ZBTB7C: variants seen among roughly 807,000 people sequenced by gnomAD.
ZBTB7C encodes the protein zinc finger and BTB domain containing 7C, also known as zinc finger and BTB domain-containing protein 7C.
In ZBTB7C, 8 loss-of-function variants were observed where a neutral mutation model predicts 25.7. The ratio of observed to expected loss-of-function variants is 0.31; its 90% CI spans 0.18 to 0.56. The LOEUF (loss-of-function observed/expected upper bound fraction) is 0.56. Among genes scored for constraint, ZBTB7C ranks in the 20% least tolerant of loss-of-function variants. The pLI, the probability that ZBTB7C is intolerant of heterozygous loss-of-function variation, is 0.91. For missense variants in ZBTB7C, 824 were observed against 855.2 expected (o/e 0.96, Z 0.46); for synonymous variants, 394 against 369.0 (o/e 1.07, Z -0.78).
At chr18:48,227,113 C>A (rs1216860226) in intron 2 of ZBTB7C, among the ~76,000 whole-genome samples, 1 of 152,064 alleles carries the variant, frequency 6.6e-6, no homozygotes, top group Middle Eastern at 3.2e-3. Flanking sequence ...CCTCTCCTAC[C>A]AACCTGCCTC....
chr18:48,129,357 A>G (rs1299783940), intron 3 of ZBTB7C, among the ~76,000 whole-genome samples: 1 of 151,900 alleles, frequency 6.6e-6, no homozygotes, highest in Non-Finnish European at 1.5e-5. Context: ...AGTCCAAAAA[A>G]AAAAAAAAAA....
intron 3 of ZBTB7C, among the ~76,000 whole-genome samples, chr18:48,075,427 G>A (rs1264822035): frequency 6.6e-6 from 1 of 152,216 alleles, no homozygotes; most frequent in Non-Finnish European, 1.5e-5. Flanking sequence ...GGAACAGCCA[G>A]CCCAGAGAGG....
At chr18:48,041,171 A>G (rs1178779601) in intron 3 of ZBTB7C, 48 bp from the exon 4 acceptor site, 2 of 1,527,380 alleles carry the variant, frequency 1.3e-6, no homozygotes, top group African/African-American at 2.8e-5. Flanking sequence ...GCGTGGCCCC[A>G]GGAGGGGTCT....
At chr18:48,347,222 C>T (rs548394179) in intron 1 of ZBTB7C, among the ~76,000 whole-genome samples, 8 of 136,580 alleles carry the variant, frequency 5.9e-5, no homozygotes, top group African/African-American at 2.2e-4. Flanking sequence ...TCTCCTGCCA[C>T]GGCCTCCCAA....
intron 3 of ZBTB7C, among the ~76,000 whole-genome samples, chr18:48,163,658 A>G (rs74657921): frequency 0.015 from 2,242 of 152,312 alleles, 59 homozygotes; most frequent in African/African-American, 0.051. Context: ...ACTTGCCCAA[A>G]TTCATGTGTC....
At chr18:48,172,335 A>T (rs539661091) in intron 3 of ZBTB7C, among the ~76,000 whole-genome samples, 1 of 152,330 alleles carries the variant, frequency 6.6e-6, no homozygotes, top group East Asian at 1.9e-4. Flanking sequence ...CCATTTGCAC[A>T]GCTTGGTGGA....
intron 2 of ZBTB7C, among the ~76,000 whole-genome samples, chr18:48,223,400 A>T (rs1300068163): frequency 1.3e-5 from 2 of 152,154 alleles, no homozygotes; most frequent in African/African-American, 2.4e-5. Flanking sequence ...ATGCCCCCCA[A>T]CCCCATCTTT....
chr18:48,335,706 G>T (rs1391976123), intron 2 of ZBTB7C, among the ~76,000 whole-genome samples: 1 of 152,134 alleles, frequency 6.6e-6, no homozygotes, highest in African/African-American at 2.4e-5. Context: ...AATGTGGTTG[G>T]TCCAAACTGA....
At chr18:48,403,676 A>G (rs1470253874) in intron 1 of ZBTB7C, among the ~76,000 whole-genome samples, 1 of 152,162 alleles carries the variant, frequency 6.6e-6, no homozygotes, top group Non-Finnish European at 1.5e-5. Flanking sequence ...CAATAAACAA[A>G]AGGAGAATCA....
chr18:48,301,598 G>T (rs554677740), intron 2 of ZBTB7C, among the ~76,000 whole-genome samples: 2 of 152,286 alleles, frequency 1.3e-5, no homozygotes, highest in African/African-American at 4.8e-5. Flanking sequence ...TGTGAGAGTG[G>T]CATTGTCACT....
At chr18:48,171,101 TC>T (rs1293660453) in intron 3 of ZBTB7C, among the ~76,000 whole-genome samples, 1 of 152,182 alleles carries the variant, frequency 6.6e-6, no homozygotes, top group Non-Finnish European at 1.5e-5. Context: ...ACTCAGAGAC[TC>T]CCTTGGCAGT....
At chr18:48,161,808 G>A (rs555451100) in intron 3 of ZBTB7C, among the ~76,000 whole-genome samples, 48 of 148,758 alleles carry the variant, frequency 3.2e-4, no homozygotes, top group African/African-American at 1.1e-3. Context: ...GCGCCCCCGC[G>A]GCCTCTCTCT....
intron 3 of ZBTB7C, among the ~76,000 whole-genome samples, chr18:48,105,011 T>G (rs1298521754): frequency 6.6e-6 from 1 of 152,214 alleles, no homozygotes; most frequent in East Asian, 1.9e-4. Flanking sequence ...GGAAACATAC[T>G]GATCCCCGCC....
At chr18:48,223,217 G>C (rs995872841) in intron 2 of ZBTB7C, among the ~76,000 whole-genome samples, 3 of 152,170 alleles carry the variant, frequency 2.0e-5, no homozygotes, top group African/African-American at 7.2e-5. Flanking sequence ...GGAGACCCAG[G>C]AATCTGGAGA....
intron 3 of ZBTB7C, among the ~76,000 whole-genome samples, chr18:48,067,176 C>T (rs980565770): frequency 6.6e-6 from 1 of 152,158 alleles, no homozygotes; most frequent in African/African-American, 2.4e-5. Context: ...AAATGAATGA[C>T]TTGGAAAGGG....
chr18:48,141,704 T>C (rs932534451), intron 3 of ZBTB7C, among the ~76,000 whole-genome samples: 7 of 152,218 alleles, frequency 4.6e-5, no homozygotes, highest in African/African-American at 1.2e-4. Context: ...ACACTTGTCA[T>C]TCCTCCTTGT....
At chr18:48,095,355 C>T (rs1358119471) in intron 3 of ZBTB7C, among the ~76,000 whole-genome samples, 1 of 152,208 alleles carries the variant, frequency 6.6e-6, no homozygotes, top group East Asian at 1.9e-4. Context: ...AAAGAACAAG[C>T]TGCCTATTTG....
intron 2 of ZBTB7C, among the ~76,000 whole-genome samples, chr18:48,230,817 C>T (rs140468915): frequency 3.3e-5 from 5 of 152,300 alleles, no homozygotes; most frequent in South Asian, 2.1e-4. Context: ...CATCTCTGCA[C>T]GGAAAGCCCC....
At chr18:48,064,717 T>G (rs1845841674) in intron 3 of ZBTB7C, among the ~76,000 whole-genome samples, 5 of 152,106 alleles carry the variant, frequency 3.3e-5, no homozygotes, top group Admixed American at 3.3e-4. Flanking sequence ...CACTCTAGCC[T>G]GGGTGACAGA....
Sources: allele counts gnomAD v4.1 joint callset (sites outside exome capture counted in the v4.1 genomes callset), GRCh38; gene constraint gnomAD v4.1.1; transcripts MANE v1.5; gene names NCBI Gene and HGNC (gene_info 2026-07-23, HGNC 2026-07-21).